Variants in AP3B1 observed in about 807,000 individuals in gnomAD.
The protein encoded by AP3B1 is AP-3 complex subunit beta-1.
Under a neutral mutation model 132.5 loss-of-function variants are expected in AP3B1, and 61 were observed. The observed-to-expected ratio is 0.46, with a 90% CI of 0.37 to 0.57. AP3B1 has a LOEUF of 0.57. Among genes scored for constraint, AP3B1 ranks in the 20% least tolerant of loss-of-function variants. The pLI is 0.00. For synonymous variants in AP3B1, 388 were observed against 438.3 expected, an observed-to-expected ratio of 0.89 and a Z score of 1.43; for missense variants, 1,120 against 1,289.4, an observed-to-expected ratio of 0.87 and a Z score of 2.01.
chr5:78,007,186 T>C (rs767913473), intron 26 of AP3B1, among the ~76,000 whole-genome samples: 2 of 152,250 alleles, frequency 1.3e-5, no homozygotes, highest in African/African-American at 2.4e-5. Context: ...ACAATTAACA[T>C]TAACGGTACA....
At chr5:78,080,966 A>C (rs1306944189) in intron 22 of AP3B1, among the ~76,000 whole-genome samples, 2 of 152,160 alleles carry the variant, frequency 1.3e-5, no homozygotes, top group Non-Finnish European at 2.9e-5. Context: ...CAGGTAAGTA[A>C]GTTTTCAGCT....
In AP3B1 at chr5:78,226,035, T is replaced by C. The variant is rs140308135; in HGVS notation, c.537-427A>G. ...TCCAAATAAGAATTTTATATCATACTAGTTCACTGATAGAGACATGCATTA... is the reference window on the plus strand; with the variant it reads ...TCCAAATAAGAATTTTATATCATACCAGTTCACTGATAGAGACATGCATTA... On this transcript the variant is annotated intron_variant, in intron 5 of 26. Transcript: ENST00000255194. Among the ~76,000 whole-genome samples, 1,228 of 152,206 alleles carry C rather than the reference T, an allele frequency of 8.1e-3. 17 individuals carry two copies. Among genetic ancestry groups the C allele is most frequent in the African/African-American group, 0.023 (955 of 41,554 alleles).
chr5:78,147,207 G>A (rs549312446), intron 14 of AP3B1, among the ~76,000 whole-genome samples: 2 of 152,028 alleles, frequency 1.3e-5, no homozygotes, highest in South Asian at 2.1e-4. Flanking sequence ...AAATAGGTTT[G>A]TGCTTATTAC....
rs370959906 is a variant in AP3B1, at chr5:78,170,941, T to C, written c.1167+4685A>G. 4.3e-4 allele frequency among the ~76,000 whole-genome samples: 65 copies of C among 152,324 alleles called. 1 individual carries two copies. The East Asian group carries it at 0.012, about 29-fold the overall frequency. On this transcript the variant is annotated intron_variant, in intron 11 of 26. Transcript: ENST00000255194. Reference sequence around the variant, plus strand: ...TGTAAGGAAGGGATCCAGTTTCAGCTTTTTATATATGGCTAGCCAGTTTTC... The same window carrying C: ...TGTAAGGAAGGGATCCAGTTTCAGCCTTTTATATATGGCTAGCCAGTTTTC...
intron 2 of AP3B1, among the ~76,000 whole-genome samples, chr5:78,256,162 AAAT>A (rs1360629213): frequency 2.0e-5 from 3 of 152,082 alleles, no homozygotes; most frequent in Non-Finnish European, 4.4e-5. Flanking sequence ...AGAAGAAAAG[AAAT>A]AATAGAGACC....
intron 1 of AP3B1, among the ~76,000 whole-genome samples, chr5:78,286,825 T>G (rs1749301861): frequency 6.6e-6 from 1 of 152,204 alleles, no homozygotes; most frequent in Non-Finnish European, 1.5e-5. Context: ...GTAGATCTAT[T>G]AAGTCTTTCC....
At chr5:78,074,068 G>A (rs996862136) in intron 22 of AP3B1, among the ~76,000 whole-genome samples, 22 of 152,106 alleles carry the variant, frequency 1.4e-4, no homozygotes, top group African/African-American at 5.1e-4. Flanking sequence ...CTAACATTAT[G>A]AGTACTATCC....
intron 22 of AP3B1, among the ~76,000 whole-genome samples, chr5:78,063,564 C>T (rs949191287): frequency 1.3e-5 from 2 of 152,186 alleles, no homozygotes; most frequent in Admixed American, 6.5e-5. Context: ...CCTACATCTT[C>T]TTTTTTGAAT....
intron 15 of AP3B1, among the ~76,000 whole-genome samples, chr5:78,130,768 G>A (rs1752653352): frequency 6.6e-6 from 1 of 151,944 alleles, no homozygotes; most frequent in Non-Finnish European, 1.5e-5. Flanking sequence ...TCTCAAATGT[G>A]GAGTTAGAAT....
chr5:78,196,243 T>C (rs1337670387), intron 7 of AP3B1, among the ~76,000 whole-genome samples: 1 of 152,080 alleles, frequency 6.6e-6, no homozygotes, highest in African/African-American at 2.4e-5. Context: ...CCAAAAAACA[T>C]ACACAAATGG....
At chr5:78,165,813 A>G in intron 11 of AP3B1, 141 bp from the exon 12 acceptor site, 1 of 714,732 alleles carries the variant, frequency 1.4e-6, no homozygotes. Flanking sequence ...TCATGCCTGT[A>G]ATCCCAGCAC....
intron 7 of AP3B1, among the ~76,000 whole-genome samples, chr5:78,190,625 C>T (rs1363670604): frequency 6.6e-6 from 1 of 152,156 alleles, no homozygotes; most frequent in East Asian, 1.9e-4. Context: ...TGACAAATCA[C>T]TCAACCTTTC....
intron 1 of AP3B1, among the ~76,000 whole-genome samples, chr5:78,290,057 T>C (rs1485256692): frequency 6.6e-6 from 1 of 152,302 alleles, no homozygotes; most frequent in East Asian, 1.9e-4. Context: ...AATATCCTAG[T>C]TTAGAAATCA....
intron 22 of AP3B1, among the ~76,000 whole-genome samples, chr5:78,078,346 C>A (rs1041356140): frequency 2.0e-5 from 3 of 152,172 alleles, no homozygotes; most frequent in Non-Finnish European, 4.4e-5. Flanking sequence ...TCCAATTAAT[C>A]TTTCACACAA....
chr5:78,191,165 A>C (rs535625206), intron 7 of AP3B1, among the ~76,000 whole-genome samples: 58 of 152,078 alleles, frequency 3.8e-4, no homozygotes, highest in Non-Finnish European at 2.9e-5. Context: ...ATTTCTAAGA[A>C]TGGCTAAACA....
intron 26 of AP3B1, among the ~76,000 whole-genome samples, chr5:78,009,945 T>C (rs994269061): frequency 1.3e-5 from 2 of 152,182 alleles, no homozygotes; most frequent in South Asian, 2.1e-4. Flanking sequence ...GAGGGTTAAT[T>C]TGCGGTTCAT....
chr5:78,020,645 A>G (rs762148185), intron 25 of AP3B1, 47 bp downstream of exon 25: 2 of 1,398,012 alleles, frequency 1.4e-6, no homozygotes, highest in South Asian at 1.2e-5. Context: ...GAATAAGCAC[A>G]TATTATTTGG....
At chr5:78,032,526 C>T (rs149823652) in intron 24 of AP3B1, among the ~76,000 whole-genome samples, 1 of 152,230 alleles carries the variant, frequency 6.6e-6, no homozygotes, top group African/African-American at 2.4e-5. Flanking sequence ...CCACTATCTC[C>T]CTACCCCCAC....
chr5:78,256,301 CAAAT>C (rs1350825048), intron 2 of AP3B1, among the ~76,000 whole-genome samples: 2 of 151,574 alleles, frequency 1.3e-5, no homozygotes, highest in African/African-American at 4.8e-5. Flanking sequence ...GAGAAAAATC[CAAAT>C]AAATAAAATC....
Sources: gnomAD v4.1 joint callset for allele counts (sites outside exome capture counted in the v4.1 genomes callset) on GRCh38, gnomAD v4.1.1 for gene constraint, MANE v1.5 for transcripts, NCBI Gene and HGNC (gene_info 2026-07-23, HGNC 2026-07-21) for gene names.